Variants in LRP1B observed in about 807,000 individuals in gnomAD.
LRP1B encodes the protein low-density lipoprotein receptor-related protein 1B.
LRP1B carries 217 observed loss-of-function variants against 556.6 expected under a neutral mutation model. The observed-to-expected ratio is 0.39, with a 90% confidence interval of 0.35 to 0.44. The LOEUF is 0.44. Among genes scored for constraint, LRP1B ranks in the 20% least tolerant of loss-of-function variants. The probability of loss-of-function intolerance (pLI) is 1.00; values close to 1 mark genes in which losing one functional copy is unlikely to be tolerated. For missense variants in LRP1B, 5,053 were observed against 5,620.8 expected, an observed-to-expected ratio of 0.90 and a Z score of 3.23; for synonymous variants, 2,047 against 1,865.8, an observed-to-expected ratio of 1.10 and a Z score of -2.50.
At chr2:141,288,241 A>AG (rs1291796273) in intron 3 of LRP1B, among the ~76,000 whole-genome samples, 3 of 143,628 alleles carry the variant, frequency 2.1e-5, no homozygotes, top group Admixed American at 6.9e-5. Flanking sequence ...ATAATAACAA[A>AG]AAAAAAAATT....
intron 2 of LRP1B, among the ~76,000 whole-genome samples, chr2:141,583,127 C>A (rs187587338): frequency 1.3e-5 from 2 of 152,138 alleles, no homozygotes; most frequent in East Asian, 3.9e-4. Flanking sequence ...TGAGCCACCA[C>A]GCCCGGCCAA....
intron 66 of LRP1B, among the ~76,000 whole-genome samples, chr2:140,412,376 G>A (rs1287537784): frequency 6.6e-6 from 1 of 151,988 alleles, no homozygotes; most frequent in Non-Finnish European, 1.5e-5. Flanking sequence ...TCAGAGAAGA[G>A]GAAAATAGAA....
chr2:141,841,288 G>C (rs749528449), intron 1 of LRP1B, among the ~76,000 whole-genome samples: 7 of 152,062 alleles, frequency 4.6e-5, no homozygotes, highest in Non-Finnish European at 8.8e-5. Context: ...TATTTAATTG[G>C]TGGATATAGA....
At chr2:140,290,184 A>G (rs1287795076) in intron 84 of LRP1B, among the ~76,000 whole-genome samples, 1 of 152,092 alleles carries the variant, frequency 6.6e-6, no homozygotes, top group Non-Finnish European at 1.5e-5. Context: ...AATGGCAAAG[A>G]GAAGTGCTGA....
intron 5 of LRP1B, among the ~76,000 whole-genome samples, chr2:141,229,810 T>A (rs941439404): frequency 6.6e-6 from 1 of 152,118 alleles, no homozygotes; most frequent in South Asian, 2.1e-4. Flanking sequence ...ACGAGCAAGG[T>A]AATGTTTTTT....
At chr2:140,545,062 T>C (rs568965825) in intron 43 of LRP1B, among the ~76,000 whole-genome samples, 5 of 152,282 alleles carry the variant, frequency 3.3e-5, no homozygotes, top group East Asian at 1.9e-4. Context: ...TTGAGCTTTT[T>C]TTCATATGTT....
At chr2:142,078,840 T>C (rs1225829475) in intron 1 of LRP1B, among the ~76,000 whole-genome samples, 1 of 150,798 alleles carries the variant, frequency 6.6e-6, no homozygotes, top group Non-Finnish European at 1.5e-5. Context: ...AGTATACATG[T>C]ATAGTGCCTA....
intron 32 of LRP1B, among the ~76,000 whole-genome samples, chr2:140,796,573 G>C (rs1475319824): frequency 6.6e-6 from 1 of 152,024 alleles, no homozygotes; most frequent in African/African-American, 2.4e-5. Flanking sequence ...AAATTGCCTG[G>C]ATATACTTCA....
rs552886164 is a variant in LRP1B at position 141,458,317 on chromosome 2, C to T, written c.343+22079G>A. Among the ~76,000 whole-genome samples, 11 of 152,264 alleles carry T rather than the reference C, an allele frequency of 7.2e-5. No individual in the cohort carries two copies. In the South Asian group the frequency reaches 1.7e-3, roughly 23 times the overall value. On this transcript the variant is annotated intron_variant, in intron 3 of 90. Transcript: ENST00000389484. ...TTCCCAATGTAGTCTAGGAAAAGTA[C>T]TTAGGACTGTTTGGGTCATCATCGC...
chr2:140,784,971 T>C (rs988361673), intron 32 of LRP1B, among the ~76,000 whole-genome samples: 46 of 152,092 alleles, frequency 3.0e-4, no homozygotes, highest in Admixed American at 2.8e-3. Context: ...AGTTTTTAGA[T>C]TGAAACTGCC....
At chr2:140,955,923 CA>C (rs1312516246) in intron 18 of LRP1B, among the ~76,000 whole-genome samples, 1 of 151,662 alleles carries the variant, frequency 6.6e-6, no homozygotes, top group African/African-American at 2.4e-5. Flanking sequence ...AATAAAGTCT[CA>C]AAACCTATGC....
chr2:142,113,981 A>G (rs1707097601), intron 1 of LRP1B, among the ~76,000 whole-genome samples: 3 of 152,110 alleles, frequency 2.0e-5, no homozygotes, highest in African/African-American at 7.2e-5. Flanking sequence ...TCTATAGAGC[A>G]GTATGAACAG....
intron 35 of LRP1B, among the ~76,000 whole-genome samples, chr2:140,745,414 A>T (rs1688283121): frequency 6.6e-6 from 1 of 152,174 alleles, no homozygotes; most frequent in African/African-American, 2.4e-5. Flanking sequence ...GAGTCAATCT[A>T]ATTTGATTAG....
At chr2:141,872,060 C>T (rs1371951536) in intron 1 of LRP1B, among the ~76,000 whole-genome samples, 8 of 151,814 alleles carry the variant, frequency 5.3e-5, no homozygotes, top group Admixed American at 5.3e-4. Flanking sequence ...ATGTCTCAAA[C>T]TTAGTAGATG....
chr2:140,977,417 A>C (rs770752199), intron 18 of LRP1B, among the ~76,000 whole-genome samples: 1 of 152,180 alleles, frequency 6.6e-6, no homozygotes, highest in Non-Finnish European at 1.5e-5. Context: ...CAGCAGCGTG[A>C]AAATGGACTA....
At position 140,702,228 on chromosome 2, in the gene LRP1B, C is replaced by A; in HGVS notation, c.6215G>T (p.Gly2072Val). Residue 2072 changes from glycine (G) to valine (V), a missense_variant, in exon 39 of 91, where the codon GGA becomes GTA. Transcript: ENST00000389484. ...TGACAGCACCATCTCGCGATTCCCT[C>A]CAGTCTCAAGGTCGATTCTCTCTAT... ...DKIERIDLET[G>V]GNREMVLSGS... 3 of 1,613,772 alleles carry A rather than the reference C, an allele frequency of 1.9e-6. No homozygotes were observed. The highest frequency in any genetic ancestry group is 2.5e-6 in the Non-Finnish European group (3 of 1,179,782).
chr2:141,790,269 A>T (rs190248193), intron 2 of LRP1B, among the ~76,000 whole-genome samples: 1 of 151,878 alleles, frequency 6.6e-6, no homozygotes, highest in Non-Finnish European at 1.5e-5. Context: ...CTTTTAATGG[A>T]TAGAAATAAC....
chr2:141,968,219 T>A (rs1273525310), intron 1 of LRP1B, among the ~76,000 whole-genome samples: 1 of 151,756 alleles, frequency 6.6e-6, no homozygotes, highest in Non-Finnish European at 1.5e-5. Flanking sequence ...TCTAACAACA[T>A]CCCGGCAAAA....
In LRP1B at chr2:141,188,510, A is replaced by C. The variant is rs1439315726; in HGVS notation, c.924T>G (p.Phe308Leu). 1 of 1,612,736 alleles carries C rather than the reference A, an allele frequency of 6.2e-7. No homozygotes were observed. Among genetic ancestry groups the C allele is most frequent in the Non-Finnish European group, 8.5e-7 (1 of 1,179,282 alleles). Residue 308 changes from phenylalanine (F) to leucine (L), a missense_variant, in exon 7 of 91, where the codon TTT becomes TTG. This residue lies in a region of LRP1B where 3,619 missense variants were observed against 3,931.9 expected (regional missense o/e 0.92). Coordinates refer to ENST00000389484, the MANE Select transcript of LRP1B (RefSeq NM_018557.3). ...ATACAGAACCGTTGGAATTACAAACAAAGATCCGGTCACCGACATGGTCCA... is the reference window on the plus strand; with the variant it reads ...ATACAGAACCGTTGGAATTACAAACCAAGATCCGGTCACCGACATGGTCCA... ...YFVDHVGDRI[F>L]VCNSNGSVCV...
Sources: allele counts gnomAD v4.1 joint callset (sites outside exome capture counted in the v4.1 genomes callset), GRCh38; gene constraint gnomAD v4.1.1; regional missense constraint gnomAD v4.1.1; transcripts MANE v1.5; gene names NCBI Gene and HGNC (gene_info 2026-07-23, HGNC 2026-07-21).